CERKL: variants seen among roughly 807,000 people sequenced by gnomAD.
CERKL encodes the protein CERK like autophagy regulator, also known as ceramide kinase-like protein.
CERKL carries 61 observed loss-of-function variants against 63.4 expected under a neutral mutation model. The ratio of observed to expected loss-of-function variants is 0.96; its 90% CI spans 0.78 to 1.19. CERKL has a LOEUF of 1.19. Among genes scored for constraint, CERKL ranks in the 50% most tolerant of loss-of-function variants. CERKL has a pLI of 0.00. For missense variants in CERKL, 675 were observed against 655.5 expected, an observed-to-expected ratio of 1.03 and a Z score of -0.33; for synonymous variants, 250 against 230.5, an observed-to-expected ratio of 1.08 and a Z score of -0.77.
Position 181,548,740 on chromosome 2 carries a change from C to T in CERKL, c.1013G>A (p.Arg338Gln), listed in dbSNP as rs781325278. The T allele has an allele frequency of 1.5e-5, 24 of 1,613,880 alleles. No individual in the cohort carries two copies. The East Asian group carries it at 2.5e-4, about 16-fold the overall frequency. Residue 338 changes from arginine to glutamine, a missense_variant, in exon 7 of 13, where the codon CGA becomes CAA. Arg to Gln is a conservative substitution (Grantham distance 43). Transcript: ENST00000410087. ...TCTCCGTTGGTTAGGGGACATCCAT[C>T]GATATTTTTCTGCCAGAGCCAAAGT... ...GRTLALAEKY[R>Q]WMSPNQRRDF... is the part of the protein sequence containing the mutation.
chr2:181,620,082 T>A (rs1425540417), intron 1 of CERKL, among the ~76,000 whole-genome samples: 1 of 152,192 alleles, frequency 6.6e-6, no homozygotes, highest in African/African-American at 2.4e-5. Context: ...ACTGTTGCTA[T>A]GAGAACAAAG....
intron 1 of CERKL, among the ~76,000 whole-genome samples, chr2:181,639,039 C>T (rs1405533418): frequency 6.6e-6 from 1 of 152,104 alleles, no homozygotes; most frequent in East Asian, 1.9e-4. Flanking sequence ...GCATAGCCAT[C>T]AGCTATAATA....
Position 181,599,892 on chromosome 2 carries a change from A to G in CERKL, c.481+3945T>C, listed in dbSNP as rs186696478. Among the ~76,000 whole-genome samples the G allele has an allele frequency of 1.1e-3, 161 of 152,308 alleles. 4 individuals carry two copies. In the East Asian group the frequency reaches 0.029, roughly 27 times the overall value. ...TACAAGATGACCATCCCCAAGGAAT[A>G]TAGTCCATCAGACTATGCAAGGTCA... On this transcript the variant is annotated intron_variant, in intron 2 of 12. Transcript: ENST00000410087.
chr2:181,625,367 CAA>C (rs935473157), intron 1 of CERKL, among the ~76,000 whole-genome samples: 1 of 128,796 alleles, frequency 7.8e-6, no homozygotes. Flanking sequence ...GTGGGGTGAG[CAA>C]AAAAAAAAAA....
In CERKL at chr2:181,625,828, A is replaced by C. The variant is rs185798544; in HGVS notation, c.239-21749T>G. 6.2e-3 allele frequency among the ~76,000 whole-genome samples: 944 copies of C among 152,354 alleles called. 11 individuals carry two copies. Among genetic ancestry groups the C allele is most frequent in the African/African-American group, 0.022 (914 of 41,586 alleles). On this transcript the variant is annotated intron_variant, in intron 1 of 12. Coordinates refer to ENST00000410087, the MANE Select transcript of CERKL (RefSeq NM_201548.5). ...AAACTATTCTAGGAGTTAGAGAAACAGGGGCAAACAAAACAGAAACTTACC... is the reference window on the plus strand; with the variant it reads ...AAACTATTCTAGGAGTTAGAGAAACCGGGGCAAACAAAACAGAAACTTACC...
chr2:181,565,520 A>G (rs1233044126), intron 4 of CERKL: 1 of 1,582,064 alleles, frequency 6.3e-7, no homozygotes, highest in East Asian at 2.2e-5. Context: ...ACTGTGAATA[A>G]CATACCTAAA....
chr2:181,631,237 A>C (rs1490049408), intron 1 of CERKL, among the ~76,000 whole-genome samples: 2 of 152,176 alleles, frequency 1.3e-5, no homozygotes, highest in Non-Finnish European at 2.9e-5. Flanking sequence ...GGTTCTTTAA[A>C]AGTCTTTTCT....
intron 3 of CERKL, among the ~76,000 whole-genome samples, chr2:181,569,498 C>T (rs185433868): frequency 4.6e-5 from 7 of 152,184 alleles, no homozygotes; most frequent in Admixed American, 3.9e-4. Flanking sequence ...TTGTTAACAG[C>T]CATGTTAGAA....
chr2:181,628,445 T>C (rs946851822), intron 1 of CERKL, among the ~76,000 whole-genome samples: 1 of 152,116 alleles, frequency 6.6e-6, no homozygotes, highest in African/African-American at 2.4e-5. Flanking sequence ...TTCCAAAGAG[T>C]TACTGGCATG....
At chr2:181,538,952 C>CTCTT (rs1000066339) in intron 12 of CERKL, 140 bp downstream of exon 12, 1 of 681,848 alleles carries the variant, frequency 1.5e-6, no homozygotes, top group Admixed American at 2.4e-5. Context: ...TTGTGCATGT[C>CTCTT]TCTTTATGCT....
intron 10 of CERKL, 97 bp downstream of exon 10, chr2:181,547,521 T>A: frequency 1.1e-6 from 1 of 890,480 alleles, no homozygotes; most frequent in South Asian, 1.4e-5. Flanking sequence ...ATAAACTACC[T>A]GTTAAGTTTC....
Position 181,656,753 on chromosome 2 carries a change from G to C in CERKL, c.238+16C>G, listed in dbSNP as rs189036459. ...AGCGCGGAGGGAGGCGAAGACGCTT[G>C]GGGCCGGGCACTCACCCGCCGGGCG... On this transcript the variant is annotated intron_variant, in intron 1 of 12. Coordinates refer to ENST00000410087, the MANE Select transcript of CERKL (RefSeq NM_201548.5). The C allele has an allele frequency of 1.2e-3, 1,849 of 1,578,354 alleles. 15 individuals carry two copies. In the African/African-American group the frequency reaches 0.023, roughly 19 times the overall value.
At chr2:181,556,793 G>C (rs1688227022) in intron 5 of CERKL, among the ~76,000 whole-genome samples, 2 of 152,164 alleles carry the variant, frequency 1.3e-5, no homozygotes, top group African/African-American at 4.8e-5. Context: ...GGTATTTCTA[G>C]TTCTAGATCC....
chr2:181,568,307 A>G (rs1477886629), intron 3 of CERKL, among the ~76,000 whole-genome samples: 2 of 152,158 alleles, frequency 1.3e-5, no homozygotes, highest in Non-Finnish European at 2.9e-5. Flanking sequence ...GTAAGCTCAA[A>G]ACAGAATCCA....
chr2:181,617,541 T>C (rs902396902), intron 1 of CERKL: 1 of 152,216 alleles, frequency 6.6e-6, no homozygotes, highest in Non-Finnish European at 1.5e-5. Context: ...GTGATGATGA[T>C]CTTAACAGCT....
At chr2:181,544,066 A>T (rs1355047020) in intron 11 of CERKL, among the ~76,000 whole-genome samples, 1 of 151,744 alleles carries the variant, frequency 6.6e-6, no homozygotes, top group Non-Finnish European at 1.5e-5. Flanking sequence ...TCAAAGACTC[A>T]CAATTTCAGA....
chr2:181,600,037 G>A (rs2105888809), intron 2 of CERKL, among the ~76,000 whole-genome samples: 2 of 152,230 alleles, frequency 1.3e-5, no homozygotes, highest in South Asian at 4.1e-4. Flanking sequence ...AAGAGATCAG[G>A]GGCCTACTTT....
chr2:181,643,688 G>C (rs1415995688), intron 1 of CERKL, among the ~76,000 whole-genome samples: 2 of 152,208 alleles, frequency 1.3e-5, no homozygotes, highest in Non-Finnish European at 2.9e-5. Context: ...AGGAAAAGTG[G>C]AGGAGACACA....
chr2:181,627,044 C>T (rs1434837978), intron 1 of CERKL, among the ~76,000 whole-genome samples: 3 of 152,284 alleles, frequency 2.0e-5, no homozygotes, highest in East Asian at 1.9e-4. Context: ...TTTCATATTG[C>T]TTGTAGAGGC....
Sources: gnomAD v4.1 joint callset for allele counts (sites outside exome capture counted in the v4.1 genomes callset) on GRCh38, gnomAD v4.1.1 for gene constraint, MANE v1.5 for transcripts, NCBI Gene and HGNC (gene_info 2026-07-23, HGNC 2026-07-21) for gene names.